NPAS3: variants seen among roughly 807,000 people sequenced by gnomAD.
The protein encoded by NPAS3 is neuronal PAS domain protein 3, also known as neuronal PAS domain-containing protein 3.
A neutral mutation model predicts 73.1 loss-of-function variants in NPAS3; 14 were observed. The ratio of observed to expected loss-of-function variants is 0.19; its 90% confidence interval spans 0.13 to 0.30. The LOEUF is 0.30. Among genes scored for constraint, NPAS3 ranks in the 10% least tolerant of loss-of-function variants. The pLI is 1.00. For missense variants in NPAS3, 1,096 were observed against 1,250.0 expected, an observed-to-expected ratio of 0.88 and a Z score of 1.86; for synonymous variants, 620 against 541.5, an observed-to-expected ratio of 1.14 and a Z score of -2.01.
intron 3 of NPAS3, among the ~76,000 whole-genome samples, chr14:33,354,735 A>G (rs1228861375): frequency 6.6e-6 from 1 of 152,228 alleles, no homozygotes; most frequent in Non-Finnish European, 1.5e-5. Context: ...ATACTGTGTT[A>G]TAACTCAGAA....
Position 33,557,196 on chromosome 14 carries a change from G to A in NPAS3, c.469-2925G>A, listed in dbSNP as rs1166188885. Among the ~76,000 whole-genome samples, 4 of 152,200 alleles carry A rather than the reference G, an allele frequency of 2.6e-5. No individual in the cohort carries two copies. The East Asian group carries it at 7.7e-4, about 29-fold the overall frequency. On this transcript the variant is annotated intron_variant, in intron 4 of 11. Coordinates refer to ENST00000356141, the Ensembl canonical transcript of NPAS3. ...TCCGCTATACTACATCCCTGCGCTT[G>A]AAAGGCTCTATCAGAAAAGACTGCA...
At chr14:33,288,520 G>A (rs2140098201) in intron 3 of NPAS3, among the ~76,000 whole-genome samples, 1 of 152,090 alleles carries the variant, frequency 6.6e-6, no homozygotes, top group Admixed American at 6.6e-5. Context: ...ACAACCACAT[G>A]CATTGATATG....
At chr14:33,375,809 C>T (rs1005515345) in intron 4 of NPAS3, among the ~76,000 whole-genome samples, 2 of 152,160 alleles carry the variant, frequency 1.3e-5, no homozygotes, top group East Asian at 1.9e-4. Flanking sequence ...ATGAATGAAT[C>T]GTAAGTTTGG....
chr14:33,560,854 C>A (rs780403622), intron 5 of NPAS3, among the ~76,000 whole-genome samples: 1 of 152,160 alleles, frequency 6.6e-6, no homozygotes, highest in Non-Finnish European at 1.5e-5. Context: ...TCTCGATATT[C>A]CCCTGGAACA....
chr14:33,476,676 G>C (rs997372522), intron 4 of NPAS3, among the ~76,000 whole-genome samples: 3 of 152,036 alleles, frequency 2.0e-5, no homozygotes, highest in Non-Finnish European at 4.4e-5. Context: ...TAAAATGTGG[G>C]GAATGAGCAA....
At chr14:33,160,526 G>A (rs986375264) in intron 2 of NPAS3, among the ~76,000 whole-genome samples, 1 of 150,166 alleles carries the variant, frequency 6.7e-6, no homozygotes, top group South Asian at 2.1e-4. Context: ...AGCATTAGGA[G>A]ATATACCTAA....
chr14:33,172,515 C>T (rs2045429171), intron 2 of NPAS3, among the ~76,000 whole-genome samples: 1 of 152,080 alleles, frequency 6.6e-6, no homozygotes, highest in Non-Finnish European at 1.5e-5. Context: ...GCAGGCAGAT[C>T]ACTTGAGCTT....
chr14:33,425,290 A>G (rs750558981), intron 4 of NPAS3, among the ~76,000 whole-genome samples: 2 of 152,044 alleles, frequency 1.3e-5, no homozygotes, highest in Non-Finnish European at 2.9e-5. Flanking sequence ...TTGTATTTAA[A>G]TGAATGAGTG....
intron 7 of NPAS3, among the ~76,000 whole-genome samples, chr14:33,750,184 G>A (rs1271851419): frequency 6.6e-6 from 1 of 151,612 alleles, no homozygotes; most frequent in Non-Finnish European, 1.5e-5. Flanking sequence ...GGATATGTTG[G>A]ATGCTTGGGT....
At chr14:33,201,013 A>G (rs2046592427) in intron 2 of NPAS3, among the ~76,000 whole-genome samples, 1 of 152,194 alleles carries the variant, frequency 6.6e-6, no homozygotes, top group South Asian at 2.1e-4. Flanking sequence ...ACGAATAAAA[A>G]CCAACCAAAC....
intron 4 of NPAS3, among the ~76,000 whole-genome samples, chr14:33,425,671 C>T (rs2048527455): frequency 6.6e-6 from 1 of 151,848 alleles, no homozygotes; most frequent in Non-Finnish European, 1.5e-5. Flanking sequence ...GTGCTCTGTC[C>T]TTTTATACGG....
intron 4 of NPAS3, among the ~76,000 whole-genome samples, chr14:33,460,871 G>A (rs546358302): frequency 5.3e-5 from 8 of 152,282 alleles, no homozygotes; most frequent in African/African-American, 1.9e-4. Context: ...CTCAAAATCA[G>A]TCTGGTGTTG....
intron 9 of NPAS3, among the ~76,000 whole-genome samples, chr14:33,781,163 T>C (rs2062968127): frequency 6.6e-6 from 1 of 152,170 alleles, no homozygotes; most frequent in African/African-American, 2.4e-5. Context: ...CCTGAAGAAG[T>C]TTGATCCTAA....
At chr14:33,262,166 C>G (rs1406363960) in intron 3 of NPAS3, among the ~76,000 whole-genome samples, 1 of 152,118 alleles carries the variant, frequency 6.6e-6, no homozygotes, top group Admixed American at 6.5e-5. Context: ...GCATGCAACC[C>G]TGATGGTGTT....
At chr14:33,434,996 C>A (rs1170315970) in intron 4 of NPAS3, among the ~76,000 whole-genome samples, 1 of 152,030 alleles carries the variant, frequency 6.6e-6, no homozygotes, top group Non-Finnish European at 1.5e-5. Context: ...TTTTCAAGGT[C>A]AAAAATATTG....
chr14:33,128,363 A>T (rs966964487), intron 2 of NPAS3, among the ~76,000 whole-genome samples: 5 of 152,186 alleles, frequency 3.3e-5, no homozygotes, highest in Non-Finnish European at 5.9e-5. Flanking sequence ...GTTAAACTAC[A>T]TTGGAGGAAA....
chr14:33,501,219 G>A (rs532017810), intron 4 of NPAS3, among the ~76,000 whole-genome samples: 2 of 151,742 alleles, frequency 1.3e-5, no homozygotes, highest in South Asian at 2.1e-4. Flanking sequence ...TTTTCTTTAC[G>A]CAGGAAAACA....
rs2140356330 is a variant in NPAS3 at position 33,680,525 on chromosome 14, T to C, written c.733+4140T>C. ...TTTTGTATTTCTTTCTAAAATAAGA[T>C]TGTAATGCATATACTTCTGGTAACT... On this transcript the variant is annotated intron_variant, in intron 6 of 11. Coordinates refer to ENST00000356141, the Ensembl canonical transcript of NPAS3. The C allele has an allele frequency of 5.8e-6, 4 of 690,918 alleles. No homozygotes were observed. In the East Asian group the frequency reaches 1.1e-4, roughly 19 times the overall value. The allele number at this position is 690,918 out of a possible 1,614,324, so 42.8% of individuals were successfully genotyped here.
At chr14:33,602,686 G>T (rs1419226424) in intron 5 of NPAS3, among the ~76,000 whole-genome samples, 1 of 152,124 alleles carries the variant, frequency 6.6e-6, no homozygotes, top group Admixed American at 6.6e-5. Context: ...GTGGTGGTTT[G>T]TTTTTGTTTT....
Sources: gnomAD v4.1 joint callset for allele counts (sites outside exome capture counted in the v4.1 genomes callset) on GRCh38, gnomAD v4.1.1 for gene constraint, MANE v1.5 for transcripts, NCBI Gene and HGNC (gene_info 2026-07-23, HGNC 2026-07-21) for gene names.